FAM149A: variants seen among roughly 807,000 people sequenced by gnomAD.
FAM149A encodes the protein family with sequence similarity 149 member A.
In FAM149A, 71 loss-of-function variants were observed where a neutral mutation model predicts 78.2. The observed-to-expected ratio is 0.91, with a 90% CI of 0.75 to 1.11. FAM149A has a LOEUF of 1.11. Among genes scored for constraint, FAM149A ranks in the 50% least tolerant of loss-of-function variants. The pLI is 0.00. For synonymous variants in FAM149A, 446 were observed against 410.5 expected, an observed-to-expected ratio of 1.09 and a Z score of -1.04; for missense variants, 1,036 against 971.0, an observed-to-expected ratio of 1.07 and a Z score of -0.89.
chr4:186,171,154 T>C (rs1019532818), intron 13 of FAM149A: 1 of 152,432 alleles, frequency 6.6e-6, no homozygotes, highest in Non-Finnish European at 1.5e-5. Context: ...CTGCCTTCCT[T>C]CAGTGACGCC....
At chr4:186,149,465 T>G (rs1312492895) in intron 2 of FAM149A, 101 bp from the exon 3 acceptor site, 1 of 1,170,346 alleles carries the variant, frequency 8.5e-7, no homozygotes, top group Non-Finnish European at 1.1e-6. Context: ...ATAAATATAT[T>G]TAATGAAAGA....
chr4:186,145,828 G>A (rs1366311552), intron 1 of FAM149A, among the ~76,000 whole-genome samples: 1 of 152,142 alleles, frequency 6.6e-6, no homozygotes, highest in African/African-American at 2.4e-5. Flanking sequence ...TAAAATACCT[G>A]TGGGATGCAT....
chr4:186,118,750 G>T (rs2099314757), intron 1 of FAM149A, among the ~76,000 whole-genome samples: 2 of 152,130 alleles, frequency 1.3e-5, no homozygotes, highest in Non-Finnish European at 2.9e-5. Context: ...TTGTTCAGAC[G>T]ATCTGGAGTT....
chr4:186,143,116 T>C (rs1016984550), intron 1 of FAM149A, among the ~76,000 whole-genome samples: 2 of 151,720 alleles, frequency 1.3e-5, no homozygotes, highest in African/African-American at 4.8e-5. Flanking sequence ...TAGCATATGT[T>C]TGGATCTTAA....
At position 186,123,286 on chromosome 4, in the gene FAM149A, T is replaced by G. The variant is rs949591756; in HGVS notation, c.566+17644T>G. The G allele has an allele frequency of 7.1e-6, 7 of 985,142 alleles. No homozygotes were observed. The African/African-American group carries it at 1.0e-4, about 15-fold the overall frequency. 61.0% of individuals were successfully genotyped at this position (985,142 alleles called of 1,614,324 possible). A position where few individuals can be genotyped will look rare whatever the true frequency, so the allele number is the denominator to read the frequency against. ...TTTTGGCAAAGTATGGTTGTTAGTTTATGTAGTTTATACAGTTAAAAGATT... is the reference window on the plus strand; with the variant it reads ...TTTTGGCAAAGTATGGTTGTTAGTTGATGTAGTTTATACAGTTAAAAGATT... On this transcript the variant is annotated intron_variant, in intron 1 of 13. Transcript: ENST00000389354.
chr4:186,109,927 T>C (rs781226090), intron 1 of FAM149A: 103 of 985,262 alleles, frequency 1.0e-4, no homozygotes, highest in Non-Finnish European at 1.2e-4. Flanking sequence ...TACCACTGAG[T>C]GCTGTGTAAC....
At chr4:186,149,305 G>T in intron 2 of FAM149A, 22 bp downstream of exon 2, 1 of 1,274,678 alleles carries the variant, frequency 7.8e-7, no homozygotes. Context: ...CCTTGCTTCA[G>T]ATTACAAAAT....
chr4:186,139,775 A>G (rs774780286), intron 1 of FAM149A, among the ~76,000 whole-genome samples: 5 of 152,182 alleles, frequency 3.3e-5, no homozygotes, highest in Non-Finnish European at 7.3e-5. Context: ...AGACAGCTCT[A>G]TGGTATAGAG....
chr4:186,124,149 C>T (rs1168515757), intron 1 of FAM149A: 32 of 985,166 alleles, frequency 3.2e-5, no homozygotes, highest in Non-Finnish European at 3.0e-5. Context: ...GATACATCTA[C>T]AGAATAATCC....
At position 186,133,919 on chromosome 4, in the gene FAM149A, G is replaced by A. The variant is rs1326572921; in HGVS notation, c.567-15254G>A. On this transcript the variant is annotated intron_variant, in intron 1 of 13. Transcript: ENST00000389354. Reference sequence around the variant, plus strand: ...GATCAGCCCACCTCAGCCTCCCAAAGTGTTGGGATTACAGGTATGAGCCAC... The same window carrying A: ...GATCAGCCCACCTCAGCCTCCCAAAATGTTGGGATTACAGGTATGAGCCAC... Among the ~76,000 whole-genome samples, 5 of 152,192 alleles carry A rather than the reference G, an allele frequency of 3.3e-5. No homozygotes were observed. The East Asian group carries it at 9.6e-4, about 29-fold the overall frequency.
At chr4:186,127,869 G>T (rs1236220831) in intron 1 of FAM149A, among the ~76,000 whole-genome samples, 1 of 150,898 alleles carries the variant, frequency 6.6e-6, no homozygotes, top group Admixed American at 6.6e-5. Flanking sequence ...TGTATTTTTA[G>T]TAGAGACAGG....
At chr4:186,134,583 T>C (rs2099321996) in intron 1 of FAM149A, among the ~76,000 whole-genome samples, 1 of 152,208 alleles carries the variant, frequency 6.6e-6, no homozygotes, top group Admixed American at 6.5e-5. Context: ...TAGTCAGACC[T>C]AGGTTTTCCC....
intron 3 of FAM149A, among the ~76,000 whole-genome samples, chr4:186,150,377 G>T (rs1252770503): frequency 5.7e-5 from 6 of 105,476 alleles, no homozygotes; most frequent in Admixed American, 9.6e-5. Flanking sequence ...TGTTGTTGTT[G>T]TTTTTTGCTT....
intron 3 of FAM149A, among the ~76,000 whole-genome samples, chr4:186,150,731 T>C (rs1733501149): frequency 6.9e-6 from 1 of 144,894 alleles, no homozygotes; most frequent in African/African-American, 2.8e-5. Context: ...TTCTCTCTTT[T>C]TTTTTTTTAA....
intron 1 of FAM149A, chr4:186,145,050 CGAGCCTAGCGCG>C: frequency 1.0e-6 from 1 of 983,392 alleles, no homozygotes; most frequent in Admixed American, 6.2e-5. Flanking sequence ...TGACGGTGCC[CGAGCCTAGCGCG>C]GAGCCTGGCG....
In FAM149A at chr4:186,172,469, T is replaced by C. The variant is rs1326071334; in HGVS notation, c.*482T>C. The C allele has an allele frequency of 8.9e-6, 1 of 112,480 alleles. No homozygotes were observed. The highest frequency in any genetic ancestry group is 2.2e-5 in the Non-Finnish European group (1 of 44,508). The allele number at this position is 112,480 out of a possible 1,614,324, so 7.0% of individuals were successfully genotyped here. Reference sequence around the variant, plus strand: ...TGTCAGAGTCTGAATAAGACTCAGCTTGTTCTAGTCATGCTGAGTTTCTCA... The same window carrying C: ...TGTCAGAGTCTGAATAAGACTCAGCCTGTTCTAGTCATGCTGAGTTTCTCA... On this transcript the variant is annotated 3_prime_UTR_variant, in exon 14 of 14. Coordinates refer to ENST00000389354, the MANE Select transcript of FAM149A (RefSeq NM_001367768.3).
At chr4:186,110,477 C>T (rs1221298501) in intron 1 of FAM149A, among the ~76,000 whole-genome samples, 4 of 146,682 alleles carry the variant, frequency 2.7e-5, no homozygotes, top group African/African-American at 7.6e-5. Flanking sequence ...ATGTGCCATG[C>T]TGGTGCGCTG....
intron 1 of FAM149A, among the ~76,000 whole-genome samples, chr4:186,113,562 C>T (rs186598520): frequency 0.99 from 126,239 of 127,994 alleles, 62,298 homozygotes; most frequent in East Asian, 1. Context: ...CACACTGCTT[C>T]GAATGCGTCC....
At chr4:186,133,285 C>T in intron 1 of FAM149A, 3 of 736,144 alleles carry the variant, frequency 4.1e-6, no homozygotes, top group Non-Finnish European at 5.0e-6. Context: ...TGTGCAGTCA[C>T]CACCGCCATC....
Sources: gnomAD v4.1 joint callset for allele counts (sites outside exome capture counted in the v4.1 genomes callset) on GRCh38, gnomAD v4.1.1 for gene constraint, MANE v1.5 for transcripts, NCBI Gene and HGNC (gene_info 2026-07-23, HGNC 2026-07-21) for gene names.